The following PTPRK variants were observed in gnomAD, a reference collection of about 807,000 sequenced individuals.
PTPRK encodes the protein receptor-type tyrosine-protein phosphatase kappa.
A neutral mutation model predicts 178.0 loss-of-function variants in PTPRK; 75 were observed. That is an observed-to-expected ratio of 0.42 (90% confidence interval 0.35 to 0.51). The LOEUF (loss-of-function observed/expected upper bound fraction) is 0.51, where lower values mean the gene tolerates loss of function less well. PTPRK is among the 20% of genes least tolerant of loss of function. PTPRK has a pLI of 0.02. For missense variants in PTPRK, 1,441 were observed against 1,797.8 expected (o/e 0.80, Z 3.59); for synonymous variants, 637 against 620.6 (o/e 1.03, Z -0.39).
At chr6:128,508,478 A>T (rs1856688938) in intron 1 of PTPRK, among the ~76,000 whole-genome samples, 1 of 152,180 alleles carries the variant, frequency 6.6e-6, no homozygotes, top group Non-Finnish European at 1.5e-5. Flanking sequence ...TCTATATATG[A>T]TATATATAAG....
In PTPRK at chr6:127,969,999, A is replaced by G; in HGVS notation, c.*228T>C. 1 of 425,720 alleles carries G rather than the reference A, an allele frequency of 2.3e-6. No individual in the cohort carries two copies. The highest frequency in any genetic ancestry group is 3.8e-5 in the East Asian group (1 of 26,314). 26.4% of individuals were successfully genotyped at this position (425,720 alleles called of 1,614,324 possible). On this transcript the variant is annotated 3_prime_UTR_variant, in exon 30 of 30. Transcript: ENST00000368226. Reference sequence around the variant, plus strand: ...TTCAATCTGGTTCTTATTAAATATAATTTATGTGGCATGAAATGTTGATGC... The same window carrying G: ...TTCAATCTGGTTCTTATTAAATATAGTTTATGTGGCATGAAATGTTGATGC...
Position 128,144,934 on chromosome 6 carries a change from C to T in PTPRK, c.1162+39498G>A, listed in dbSNP as rs1036293897. Among the ~76,000 whole-genome samples the T allele has an allele frequency of 2.6e-5, 4 of 151,852 alleles. No homozygotes were observed. The South Asian group carries it at 8.3e-4, about 32-fold the overall frequency. ...GTTCAATGCTTCTCTACCATGTGAC[C>T]CAAAATTAGGGAGGAAATCAACAAC... On this transcript the variant is annotated intron_variant, in intron 7 of 29. Transcript: ENST00000368226.
At chr6:128,060,633 C>T (rs1489774154) in intron 13 of PTPRK, among the ~76,000 whole-genome samples, 1 of 152,118 alleles carries the variant, frequency 6.6e-6, no homozygotes, top group African/African-American at 2.4e-5. Flanking sequence ...ACAATTTGAG[C>T]TAAACTGTCT....
intron 13 of PTPRK, among the ~76,000 whole-genome samples, chr6:128,041,200 C>T (rs1291415534): frequency 6.6e-6 from 1 of 152,028 alleles, no homozygotes; most frequent in Non-Finnish European, 1.5e-5. Context: ...AAGTTTTAAA[C>T]ACATAAAACA....
intron 1 of PTPRK, among the ~76,000 whole-genome samples, chr6:128,449,409 T>C (rs1290588632): frequency 6.6e-6 from 1 of 152,216 alleles, no homozygotes; most frequent in African/African-American, 2.4e-5. Flanking sequence ...TGGTATCTGA[T>C]ATCAATCTCT....
At chr6:128,309,062 CTCAACAG>C (rs1199046542) in intron 3 of PTPRK, among the ~76,000 whole-genome samples, 1 of 152,164 alleles carries the variant, frequency 6.6e-6, no homozygotes, top group African/African-American at 2.4e-5. Flanking sequence ...TGTCTCACCA[CTCAACAG>C]TCAAGTCAAT....
At chr6:128,278,015 G>A (rs1821004427) in intron 3 of PTPRK, among the ~76,000 whole-genome samples, 2 of 151,882 alleles carry the variant, frequency 1.3e-5, no homozygotes, top group Admixed American at 1.3e-4. Flanking sequence ...CCAAATTATT[G>A]GTGAAATTCT....
chr6:128,292,325 G>A (rs1379037186), intron 3 of PTPRK, among the ~76,000 whole-genome samples: 1 of 151,862 alleles, frequency 6.6e-6, no homozygotes. Context: ...TCTTCTCATA[G>A]TATTTATTTA....
rs552052639 is a variant in PTPRK at position 128,371,464 on chromosome 6, T to C, written c.223+26102A>G. Among the ~76,000 whole-genome samples, 23 of 152,346 alleles carry C rather than the reference T, an allele frequency of 1.5e-4. No homozygotes were observed. In the East Asian group the frequency reaches 4.2e-3, roughly 28 times the overall value. ...ATGTTGTCATTACAGATTTGAACTA[T>C]AGTTCTACTATTAGTTACTATTAAA... On this transcript the variant is annotated intron_variant, in intron 2 of 29. Transcript: ENST00000368226.
At chr6:128,473,466 T>C (rs1850990135) in intron 1 of PTPRK, among the ~76,000 whole-genome samples, 1 of 149,528 alleles carries the variant, frequency 6.7e-6, no homozygotes, top group Non-Finnish European at 1.5e-5. Context: ...GGAAGTGCTT[T>C]AAGACCATGC....
intron 6 of PTPRK, among the ~76,000 whole-genome samples, chr6:128,205,674 G>A (rs150113887): frequency 3.3e-5 from 5 of 150,648 alleles, no homozygotes; most frequent in African/African-American, 1.2e-4. Flanking sequence ...GAGAGGTGGA[G>A]GCAGGAGAGT....
At chr6:128,064,636 T>C (rs1781438401) in intron 13 of PTPRK, 122 bp downstream of exon 13, 1 of 1,265,092 alleles carries the variant, frequency 7.9e-7, no homozygotes, top group Non-Finnish European at 1.1e-6. Flanking sequence ...GACACCCACA[T>C]GAGTCACAGA....
chr6:128,027,882 G>C (rs1774596219), intron 13 of PTPRK: 1 of 152,258 alleles, frequency 6.6e-6, no homozygotes, highest in African/African-American at 2.4e-5. Context: ...ATAAGCCACT[G>C]TGCCCAGCTG....
At chr6:128,055,082 C>A (rs116948023) in intron 13 of PTPRK, among the ~76,000 whole-genome samples, 1 of 152,272 alleles carries the variant, frequency 6.6e-6, no homozygotes, top group East Asian at 1.9e-4. Flanking sequence ...CCATCTTTCT[C>A]TTTCCATATA....
intron 6 of PTPRK, among the ~76,000 whole-genome samples, chr6:128,206,406 T>TTA (rs368382894): frequency 1.7e-5 from 2 of 120,608 alleles, no homozygotes; most frequent in African/African-American, 6.2e-5. Context: ...GGGTGTTCAT[T>TTA]AAAAAAAAAA....
At chr6:128,497,416 C>A (rs1325631885) in intron 1 of PTPRK, among the ~76,000 whole-genome samples, 1 of 152,084 alleles carries the variant, frequency 6.6e-6, no homozygotes, top group Non-Finnish European at 1.5e-5. Flanking sequence ...TTGAGACCAT[C>A]CTGGGCAACA....
chr6:128,292,439 A>C (rs1823540629), intron 3 of PTPRK, among the ~76,000 whole-genome samples: 1 of 152,102 alleles, frequency 6.6e-6, no homozygotes, highest in Non-Finnish European at 1.5e-5. Flanking sequence ...TCTAATTGCA[A>C]TTTTATCAAA....
intron 1 of PTPRK, chr6:128,409,194 T>G: frequency 9.1e-6 from 3 of 330,794 alleles, no homozygotes; most frequent in South Asian, 7.4e-5. Flanking sequence ...AAGAAAAGAT[T>G]GATTACACCA....
intron 7 of PTPRK, among the ~76,000 whole-genome samples, chr6:128,105,529 A>C (rs1278270324): frequency 6.6e-6 from 1 of 152,228 alleles, no homozygotes; most frequent in Non-Finnish European, 1.5e-5. Context: ...GGTGTTACGA[A>C]ATCTAAAGGC....
Sources: gnomAD v4.1 joint callset for allele counts (sites outside exome capture counted in the v4.1 genomes callset) on GRCh38, gnomAD v4.1.1 for gene constraint, MANE v1.5 for transcripts, NCBI Gene and HGNC (gene_info 2026-07-23, HGNC 2026-07-21) for gene names.